SLC4A7: variants seen among roughly 807,000 people sequenced by gnomAD.
The protein encoded by SLC4A7 is solute carrier family 4 member 7, also known as sodium bicarbonate cotransporter 3.
A neutral mutation model predicts 137.6 loss-of-function variants in SLC4A7; 51 were observed. That is an observed-to-expected ratio of 0.37 (90% CI 0.30 to 0.47). The LOEUF (loss-of-function observed/expected upper bound fraction) is 0.47. SLC4A7 is among the 20% of genes least tolerant of loss of function. The pLI, the probability that SLC4A7 is intolerant of heterozygous loss-of-function variation, is 1.00. For missense variants in SLC4A7, 1,247 were observed against 1,525.4 expected, an observed-to-expected ratio of 0.82 and a Z score of 3.04; for synonymous variants, 542 against 518.6, an observed-to-expected ratio of 1.05 and a Z score of -0.61.
At position 27,409,481 on chromosome 3, in the gene SLC4A7, A is replaced by G. The variant is rs974865414; in HGVS notation, c.1816T>C (p.Leu606=). The stretch of plus-strand genomic sequence containing the variant: ...CTTAATGCATCCTTGAAGTCACTCA[A>G]GAAAAAAGGTGCTTTCCTTTTGATG... The part of the protein sequence containing the change: ...LDIKRKAPFF[L]SDFKDALSLQ... Residue 606 remains leucine, a synonymous_variant, in exon 13 of 26, where the codon TTG becomes CTG. Transcript: ENST00000454389. The G allele has an allele frequency of 6.2e-7, 1 of 1,613,602 alleles. No individual in the cohort carries two copies. Among genetic ancestry groups the G allele is most frequent in the Non-Finnish European group, 8.5e-7 (1 of 1,179,842 alleles).
rs1334155943 is a variant in SLC4A7, at chr3:27,418,495, G to C, written c.1650C>G (p.Val550=). 6.2e-7 allele frequency: 1 copy of C among 1,607,282 alleles called. No homozygotes were observed. The highest frequency in any genetic ancestry group is 1.1e-5 in the South Asian group (1 of 88,732). The change falls in exon 11 of 26, where the codon GTC becomes GTG. Residue 550 remains valine, a synonymous_variant. Transcript: ENST00000454389. ...PSIRIEPPKS[V]PSQEKRKIPV... is the part of the protein sequence containing the mutation. ...AGCTCTGGATTCTTACCTGAGAAGGGACACTTTTTGGTGGTTCTATGCGTA... is the reference window on the plus strand; with the variant it reads ...AGCTCTGGATTCTTACCTGAGAAGGCACACTTTTTGGTGGTTCTATGCGTA...
chr3:27,406,626 T>G (rs2053386098), intron 13 of SLC4A7, among the ~76,000 whole-genome samples: 1 of 152,116 alleles, frequency 6.6e-6, no homozygotes, highest in South Asian at 2.1e-4. Flanking sequence ...TATGCAGAGC[T>G]TAAGTCAAAG....
In SLC4A7 at chr3:27,385,905, T is replaced by C; in HGVS notation, c.3479A>G (p.Lys1160Arg). ...SKKKKEDDKK[K>R]KEKEEAERML... ...TTATCTTTTTACCTCTTTCTCTTTT[T>C]TCTTTTTGTCATCTTCTTTCTTTTT... The change falls in exon 23 of 26, where the codon AAA (lysine) becomes AGA (arginine). Residue 1160 changes from lysine (K) to arginine (R), a missense_variant. Coordinates refer to ENST00000454389, the MANE Select transcript of SLC4A7 (RefSeq NM_001321103.2). The C allele has an allele frequency of 6.4e-7, 1 of 1,556,440 alleles. No homozygotes were observed. Among genetic ancestry groups the C allele is most frequent in the Non-Finnish European group, 8.8e-7 (1 of 1,137,518 alleles).
chr3:27,397,944 T>G, intron 17 of SLC4A7, 147 bp from the exon 18 acceptor site: 1 of 620,494 alleles, frequency 1.6e-6, no homozygotes, highest in Non-Finnish European at 2.8e-6. Flanking sequence ...AACACATTTA[T>G]ATTTAATTCT....
At chr3:27,433,879 A>C (rs778722910) in intron 6 of SLC4A7, 37 bp downstream of exon 6, 2 of 1,575,532 alleles carry the variant, frequency 1.3e-6, no homozygotes, top group African/African-American at 2.7e-5. Context: ...TTACAGTAGA[A>C]GTGTTAGCAA....
rs1203795347 is a variant in SLC4A7 at position 27,483,912 on chromosome 3, G to C, written c.60+155C>G. On this transcript the variant is annotated intron_variant, in intron 1 of 25. Coordinates refer to ENST00000454389, the MANE Select transcript of SLC4A7 (RefSeq NM_001321103.2). ...CCCGCGCCCCAGGCCGCCACACAAA[G>C]GGGATGGCGAGGCGCGCCGGCCGCC... Among the ~76,000 whole-genome samples, 6 of 151,130 alleles carry C rather than the reference G, an allele frequency of 4.0e-5. No homozygotes were observed. The East Asian group carries it at 1.2e-3, about 30-fold the overall frequency.
At chr3:27,438,231 GCA>G (rs2056898151) in intron 3 of SLC4A7, among the ~76,000 whole-genome samples, 1 of 150,564 alleles carries the variant, frequency 6.6e-6, no homozygotes, top group African/African-American at 2.4e-5. Flanking sequence ...ATGTGGCCGG[GCA>G]CAGTGGCTCA....
chr3:27,407,448 C>T (rs1325406703), intron 13 of SLC4A7, among the ~76,000 whole-genome samples: 7 of 150,956 alleles, frequency 4.6e-5, no homozygotes, highest in Non-Finnish European at 1.0e-4. Flanking sequence ...CCACTGCACT[C>T]CAGCCTGGTG....
Position 27,409,395 on chromosome 3 carries a change from A to G in SLC4A7, c.1902T>C (p.Thr634=). 6.2e-7 allele frequency: 1 copy of G among 1,613,414 alleles called. No individual in the cohort carries two copies. The highest frequency in any genetic ancestry group is 8.5e-7 in the Non-Finnish European group (1 of 1,179,696). Residue 634 remains threonine, a synonymous_variant, in exon 13 of 26, where the codon ACT becomes ACC. Transcript: ENST00000454389. The part of the protein sequence containing the change: ...LYCACMSPVI[T]FGGLLGEATE... ...TAGCTTCTCCAAGCAGCCCTCCAAA[A>G]GTGATTACAGGAGACATACAGGCAC...
intron 15 of SLC4A7, among the ~76,000 whole-genome samples, chr3:27,402,646 C>T (rs1329761332): frequency 6.6e-6 from 1 of 151,682 alleles, no homozygotes; most frequent in Non-Finnish European, 1.5e-5. Flanking sequence ...CTGCAGTTAG[C>T]TGAGATTGTG....
intron 1 of SLC4A7, among the ~76,000 whole-genome samples, chr3:27,461,854 C>G (rs1231067809): frequency 1.3e-5 from 2 of 151,282 alleles, no homozygotes; most frequent in Admixed American, 1.3e-4. Context: ...CCTGGCTACA[C>G]GAGAGGCTGA....
In SLC4A7 at chr3:27,374,516, A is replaced by C. The variant is rs2049771386; in HGVS notation, c.*2248T>G. ...ATATAATCACTTAAAACAAGCAGTT[A>C]ATTACCTAAACATGAGTTACCTTTG... is the stretch of plus-strand genomic sequence containing the variant. On this transcript the variant is annotated 3_prime_UTR_variant, in exon 26 of 26. Transcript: ENST00000454389. 6.6e-6 allele frequency: 1 copy of C among 152,512 alleles called. No homozygotes were observed. Among genetic ancestry groups the C allele is most frequent in the Non-Finnish European group, 1.5e-5 (1 of 67,916 alleles). The allele number at this position is 152,512 out of a possible 1,614,324, so 9.4% of individuals were successfully genotyped here.
intron 7 of SLC4A7, among the ~76,000 whole-genome samples, chr3:27,425,227 G>A (rs889548740): frequency 1.8e-4 from 27 of 151,898 alleles, no homozygotes; most frequent in South Asian, 6.2e-4. Flanking sequence ...AAAATAAGCC[G>A]GGCGTGATGG....
At chr3:27,464,541 C>T (rs989792033) in intron 1 of SLC4A7, among the ~76,000 whole-genome samples, 2 of 151,766 alleles carry the variant, frequency 1.3e-5, no homozygotes, top group African/African-American at 2.4e-5. Flanking sequence ...ACTAAAAATA[C>T]AAAAATTAGC....
chr3:27,465,971 G>A (rs59769740), intron 1 of SLC4A7, among the ~76,000 whole-genome samples: 18,501 of 138,494 alleles, frequency 0.13, 1,539 homozygotes, highest in African/African-American at 0.2. Context: ...AAAAAAGAAA[G>A]AAAGAAAGAA....
chr3:27,380,710 A>G, intron 24 of SLC4A7, among the ~76,000 whole-genome samples: 1 of 152,222 alleles, frequency 6.6e-6, no homozygotes, highest in Non-Finnish European at 1.5e-5. Flanking sequence ...TGAGGAGGTC[A>G]CTGAAAAGTC....
chr3:27,432,622 TTAAA>T (rs1473338793), intron 6 of SLC4A7, among the ~76,000 whole-genome samples: 6 of 152,186 alleles, frequency 3.9e-5, no homozygotes, highest in Non-Finnish European at 8.8e-5. Flanking sequence ...TCAGAAATAG[TTAAA>T]CTATAATCCA....
intron 4 of SLC4A7, among the ~76,000 whole-genome samples, chr3:27,436,865 T>C (rs749710797): frequency 3.9e-5 from 6 of 152,138 alleles, no homozygotes; most frequent in Non-Finnish European, 5.9e-5. Flanking sequence ...AAATCTATAA[T>C]GACATAATTT....
intron 11 of SLC4A7, among the ~76,000 whole-genome samples, chr3:27,416,643 C>T (rs1004811055): frequency 2.9e-4 from 44 of 152,058 alleles, no homozygotes; most frequent in African/African-American, 1.0e-3. Context: ...ATTAGAACTG[C>T]ACAGTTCAAA....
Sources: allele counts gnomAD v4.1 joint callset (sites outside exome capture counted in the v4.1 genomes callset), GRCh38; gene constraint gnomAD v4.1.1; transcripts MANE v1.5; gene names NCBI Gene and HGNC (gene_info 2026-07-23, HGNC 2026-07-21).